Variants in TMPRSS4 observed in about 807,000 individuals in gnomAD.
TMPRSS4 encodes transmembrane protease serine 4.
In TMPRSS4, 45 loss-of-function variants were observed where a neutral mutation model predicts 56.4. The observed-to-expected ratio is 0.80, with a 90% confidence interval of 0.63 to 1.02. The LOEUF (loss-of-function observed/expected upper bound fraction) is 1.02. Among genes scored for constraint, TMPRSS4 ranks in the 50% least tolerant of loss-of-function variants. The pLI, the probability that TMPRSS4 is intolerant of heterozygous loss-of-function variation, is 0.00. For synonymous variants in TMPRSS4, 205 were observed against 211.0 expected (o/e 0.97, Z 0.25); for missense variants, 546 against 556.7 (o/e 0.98, Z 0.19).
rs756567937 is a variant in TMPRSS4 at position 118,098,973 on chromosome 11, AT to A, written c.44-8del. 6.2e-7 allele frequency: 1 copy of A among 1,607,966 alleles called. No homozygotes were observed. The highest frequency in any genetic ancestry group is 8.5e-7 in the Non-Finnish European group (1 of 1,175,566). On this transcript the variant is annotated splice_polypyrimidine_tract_variant and intron_variant, in intron 2 of 12. Coordinates refer to ENST00000437212, the MANE Select transcript of TMPRSS4 (RefSeq NM_019894.4). ...TGCATGCTCTTCCCCTCTGCCTCCC[AT>A]TTTCTTGCAGATGTCAAACCCCTGC...
intron 1 of TMPRSS4, among the ~76,000 whole-genome samples, chr11:118,087,166 G>A (rs1591352317): frequency 6.6e-6 from 1 of 152,212 alleles, no homozygotes; most frequent in African/African-American, 2.4e-5. Flanking sequence ...CTCCAGGGAA[G>A]ACTGAAGCTG....
chr11:118,114,516 A>G (rs1233854963), intron 9 of TMPRSS4, among the ~76,000 whole-genome samples: 1 of 152,180 alleles, frequency 6.6e-6, no homozygotes, highest in Non-Finnish European at 1.5e-5. Context: ...GATAGTGTGG[A>G]CAATTCTCTA....
rs1476435773 is a variant in TMPRSS4, at chr11:118,113,561, C to G, written c.910+126C>G. 4 of 1,089,978 alleles carry G rather than the reference C, an allele frequency of 3.7e-6. No homozygotes were observed. The East Asian group carries it at 7.6e-5, about 21-fold the overall frequency. 67.5% of individuals were successfully genotyped at this position (1,089,978 alleles called of 1,614,324 possible). ...TCAAGTCCTCAGCTTGCCCATTTGT[C>G]TCTAATACGTCAGCCTAACATCACT... is the stretch of plus-strand genomic sequence containing the variant. On this transcript the variant is annotated intron_variant, in intron 9 of 12. Transcript: ENST00000437212.
At chr11:118,079,141 A>G (rs571261487) in intron 1 of TMPRSS4, among the ~76,000 whole-genome samples, 1 of 152,196 alleles carries the variant, frequency 6.6e-6, no homozygotes, top group South Asian at 2.1e-4. Flanking sequence ...GCCAATCTCC[A>G]CGGTGTGGTC....
intron 1 of TMPRSS4, among the ~76,000 whole-genome samples, chr11:118,085,728 G>C (rs1424847241): frequency 6.6e-6 from 1 of 152,212 alleles, no homozygotes; most frequent in South Asian, 2.1e-4. Context: ...CAGGCTGAAA[G>C]GCTGAACTGT....
At chr11:118,114,765 A>T in intron 9 of TMPRSS4, 64 bp from the exon 10 acceptor site, 1 of 1,458,936 alleles carries the variant, frequency 6.9e-7, no homozygotes, top group Non-Finnish European at 9.4e-7. Context: ...AAGCATCATA[A>T]TTTACAGAAA....
chr11:118,124,801 A>G (rs1947857306), downstream of TMPRSS4, among the ~76,000 whole-genome samples: 1 of 152,250 alleles, frequency 6.6e-6, no homozygotes, highest in East Asian at 1.9e-4. Flanking sequence ...AAAATTGACT[A>G]CATACTAGTC....
downstream of TMPRSS4, among the ~76,000 whole-genome samples, chr11:118,124,870 C>G (rs566624614): frequency 2.0e-5 from 3 of 152,338 alleles, no homozygotes; most frequent in South Asian, 6.2e-4. Context: ...AGCTTTGCTC[C>G]CTTCAATTTC....
At chr11:118,106,269 T>G (rs146119901) in intron 5 of TMPRSS4, 1 of 152,336 alleles carries the variant, frequency 6.6e-6, no homozygotes, top group African/African-American at 2.4e-5. Context: ...CTGAGTCTTG[T>G]GCTTCACAAA....
At chr11:118,092,173 C>T (rs997005830) in intron 1 of TMPRSS4, among the ~76,000 whole-genome samples, 2 of 152,136 alleles carry the variant, frequency 1.3e-5, no homozygotes, top group Non-Finnish European at 2.9e-5. Flanking sequence ...TACAGAAGTG[C>T]AGAGGATGGT....
chr11:118,116,695 G>A (rs1184827627), intron 11 of TMPRSS4, among the ~76,000 whole-genome samples: 1 of 145,472 alleles, frequency 6.9e-6, no homozygotes, highest in Non-Finnish European at 1.5e-5. Context: ...GAACGACTAG[G>A]TTAAACAATG....
chr11:118,095,988 G>A (rs1280484061), intron 2 of TMPRSS4, among the ~76,000 whole-genome samples: 2 of 152,220 alleles, frequency 1.3e-5, no homozygotes, highest in African/African-American at 4.8e-5. Context: ...GGAAGCAGAT[G>A]CTCCCTGAGA....
rs147333162 is a variant in TMPRSS4 at position 118,120,804 on chromosome 11, C to A, written c.*2891C>A. 6.6e-6 allele frequency: 1 copy of A among 152,266 alleles called. No individual in the cohort carries two copies. Among genetic ancestry groups the A allele is most frequent in the East Asian group, 1.9e-4 (1 of 5,192 alleles). The allele number at this position is 152,266 out of a possible 1,614,324, so 9.4% of individuals were successfully genotyped here. On this transcript the variant is annotated 3_prime_UTR_variant, in exon 13 of 13. Transcript: ENST00000437212. ...GAGAATCAAGACAATGAGAGAGAGA[C>A]AGTACCAAAGAGATAAGAGCTGAGA... is the stretch of plus-strand genomic sequence containing the variant.
intron 1 of TMPRSS4, among the ~76,000 whole-genome samples, chr11:118,085,143 C>CA (rs561961492): frequency 7.4e-4 from 113 of 152,200 alleles, no homozygotes; most frequent in Non-Finnish European, 1.4e-3. Flanking sequence ...ACCCACATTC[C>CA]AAAGAAGGAA....
intron 11 of TMPRSS4, among the ~76,000 whole-genome samples, chr11:118,116,472 T>TA (rs1490241237): frequency 6.6e-6 from 1 of 152,240 alleles, no homozygotes; most frequent in African/African-American, 2.4e-5. Flanking sequence ...CCCCAGGGGC[T>TA]AAAACAGCTG....
intron 2 of TMPRSS4, among the ~76,000 whole-genome samples, chr11:118,096,616 T>C (rs571203629): frequency 6.6e-6 from 1 of 151,750 alleles, no homozygotes; most frequent in South Asian, 2.1e-4. Flanking sequence ...CAAAACCCCA[T>C]CTCTACAAAA....
At chr11:118,103,350 A>T in intron 4 of TMPRSS4, 97 bp downstream of exon 4, 1 of 1,339,366 alleles carries the variant, frequency 7.5e-7, no homozygotes, top group Non-Finnish European at 1.0e-6. Context: ...CCTACTTGTC[A>T]CTTTTCATCC....
chr11:118,110,455 C>T (rs889924012), intron 7 of TMPRSS4, among the ~76,000 whole-genome samples: 1 of 152,026 alleles, frequency 6.6e-6, no homozygotes, highest in Non-Finnish European at 1.5e-5. Context: ...GATTCTCCTG[C>T]CTCAGCCCCC....
At chr11:118,097,971 T>G (rs1043657282) in intron 2 of TMPRSS4, among the ~76,000 whole-genome samples, 3 of 152,186 alleles carry the variant, frequency 2.0e-5, no homozygotes, top group African/African-American at 4.8e-5. Flanking sequence ...GGTTTCACCA[T>G]GTTGGCCAGG....
Sources: gnomAD v4.1 joint callset for allele counts (sites outside exome capture counted in the v4.1 genomes callset) on GRCh38, gnomAD v4.1.1 for gene constraint, MANE v1.5 for transcripts, NCBI Gene and HGNC (gene_info 2026-07-23, HGNC 2026-07-21) for gene names.